The following SPOCK1 variants were observed in gnomAD, a reference collection of about 807,000 sequenced individuals.
The protein encoded by SPOCK1 is testican-1.
Under a neutral mutation model 55.3 loss-of-function variants are expected in SPOCK1, and 23 were observed. That is an observed-to-expected ratio of 0.42 (90% CI 0.30 to 0.59). The LOEUF (loss-of-function observed/expected upper bound fraction) is 0.59. Ranked by LOEUF, SPOCK1 falls within the 20% of genes least tolerant of loss-of-function variation. The pLI is 0.22. For synonymous variants in SPOCK1, 226 were observed against 221.0 expected, an observed-to-expected ratio of 1.02 and a Z score of -0.20; for missense variants, 499 against 552.5, an observed-to-expected ratio of 0.90 and a Z score of 0.97.
intron 3 of SPOCK1, among the ~76,000 whole-genome samples, chr5:137,186,388 G>A (rs1295123660): frequency 6.6e-6 from 1 of 152,194 alleles, no homozygotes; most frequent in Non-Finnish European, 1.5e-5. Flanking sequence ...TGACATAAGG[G>A]CTAGGACTGC....
At chr5:137,486,235 C>T (rs772502254) in intron 2 of SPOCK1, among the ~76,000 whole-genome samples, 6 of 152,224 alleles carry the variant, frequency 3.9e-5, no homozygotes, top group Non-Finnish European at 5.9e-5. Flanking sequence ...TTGGGTAAAA[C>T]GACAGAAGTT....
chr5:137,372,033 C>CTA (rs1751211562), intron 2 of SPOCK1, among the ~76,000 whole-genome samples: 1 of 152,210 alleles, frequency 6.6e-6, no homozygotes, highest in Non-Finnish European at 1.5e-5. Flanking sequence ...CATATCCAAA[C>CTA]TATCATTTCA....
chr5:137,156,423 A>T (rs1208091561), intron 3 of SPOCK1, among the ~76,000 whole-genome samples: 1 of 152,202 alleles, frequency 6.6e-6, no homozygotes, highest in Non-Finnish European at 1.5e-5. Context: ...ACATCGCCAT[A>T]GCAACCCCTC....
rs111643325 is a variant in SPOCK1 at position 137,349,965 on chromosome 5, G to A, written c.187-82910C>T. On this transcript the variant is annotated intron_variant, in intron 2 of 10. Transcript: ENST00000394945. Reference sequence around the variant, plus strand: ...GGGAGGATACAATTCAAGCCATAGCGTGGAGGGAAGGGGGATGTTAAGCCC... The same window carrying A: ...GGGAGGATACAATTCAAGCCATAGCATGGAGGGAAGGGGGATGTTAAGCCC... 4.8e-3 allele frequency among the ~76,000 whole-genome samples: 730 copies of A among 152,282 alleles called. 7 individuals are homozygous for A. The highest frequency in any genetic ancestry group is 0.015 in the African/African-American group (643 of 41,558).
At chr5:137,321,944 T>C (rs191268321) in intron 2 of SPOCK1, among the ~76,000 whole-genome samples, 2 of 151,964 alleles carry the variant, frequency 1.3e-5, no homozygotes, top group Admixed American at 1.3e-4. Context: ...TAAGAAAAAT[T>C]AAAGGCTTTC....
At chr5:137,352,795 G>A (rs1229727) in intron 2 of SPOCK1, among the ~76,000 whole-genome samples, 32,143 of 152,162 alleles carry the variant, frequency 0.21, 3,477 homozygotes, top group South Asian at 0.27. Flanking sequence ...GTCATCTCTT[G>A]TAAATGCTAG....
At chr5:137,497,908 T>C (rs535274653) in intron 2 of SPOCK1, among the ~76,000 whole-genome samples, 1 of 151,322 alleles carries the variant, frequency 6.6e-6, no homozygotes, top group Non-Finnish European at 1.5e-5. Flanking sequence ...CATAAATAGC[T>C]TGGACCACTC....
At chr5:137,128,464 G>C (rs1048792752) in intron 4 of SPOCK1, among the ~76,000 whole-genome samples, 1 of 152,244 alleles carries the variant, frequency 6.6e-6, no homozygotes, top group African/African-American at 2.4e-5. Context: ...AGGCTCAGAT[G>C]AAAGACTAAA....
chr5:137,023,036 C>T (rs891253871), intron 6 of SPOCK1, among the ~76,000 whole-genome samples: 4 of 152,314 alleles, frequency 2.6e-5, no homozygotes, highest in African/African-American at 7.2e-5. Context: ...GTAGTGGATA[C>T]AGGCATAAAT....
chr5:137,285,402 C>T (rs1701293107), intron 2 of SPOCK1, among the ~76,000 whole-genome samples: 1 of 152,196 alleles, frequency 6.6e-6, no homozygotes, highest in South Asian at 2.1e-4. Flanking sequence ...TAAAATCTAC[C>T]TGGAAACATA....
At chr5:137,392,214 T>G (rs1454639030) in intron 2 of SPOCK1, among the ~76,000 whole-genome samples, 1 of 152,174 alleles carries the variant, frequency 6.6e-6, no homozygotes, top group African/African-American at 2.4e-5. Context: ...CAGCCCTCCC[T>G]GCTGTTTATA....
chr5:137,355,113 G>A (rs1750763916), intron 2 of SPOCK1, among the ~76,000 whole-genome samples: 1 of 152,002 alleles, frequency 6.6e-6, no homozygotes, highest in Admixed American at 6.6e-5. Context: ...ATGTTGCCCA[G>A]GCTGGTCTTG....
intron 2 of SPOCK1, among the ~76,000 whole-genome samples, chr5:137,318,806 T>A (rs545067627): frequency 2.6e-5 from 4 of 152,360 alleles, no homozygotes; most frequent in African/African-American, 9.6e-5. Context: ...TAAACTTTTC[T>A]CTTGGTCAAG....
chr5:137,489,291 T>C (rs1484804032), intron 2 of SPOCK1, among the ~76,000 whole-genome samples: 1 of 151,966 alleles, frequency 6.6e-6, no homozygotes, highest in Non-Finnish European at 1.5e-5. Flanking sequence ...AAAGTGACAG[T>C]GGAAGGGGAA....
intron 2 of SPOCK1, among the ~76,000 whole-genome samples, chr5:137,397,199 A>G (rs1278787988): frequency 6.6e-6 from 1 of 152,112 alleles, no homozygotes; most frequent in Non-Finnish European, 1.5e-5. Context: ...GGATGCAGGG[A>G]GCTCCATGGA....
chr5:137,337,254 T>C (rs1750301086), intron 2 of SPOCK1, among the ~76,000 whole-genome samples: 1 of 152,212 alleles, frequency 6.6e-6, no homozygotes, highest in Non-Finnish European at 1.5e-5. Context: ...ATCAAGCCTA[T>C]TTGCAGAGCT....
intron 2 of SPOCK1, among the ~76,000 whole-genome samples, chr5:137,326,785 T>C (rs1484725259): frequency 2.6e-5 from 4 of 152,224 alleles, no homozygotes; most frequent in African/African-American, 7.2e-5. Flanking sequence ...AGAAAAATAC[T>C]ATTTGACTGT....
intron 2 of SPOCK1, among the ~76,000 whole-genome samples, chr5:137,446,318 C>A (rs1753126349): frequency 6.6e-6 from 1 of 152,112 alleles, no homozygotes; most frequent in African/African-American, 2.4e-5. Context: ...AATGATGCAA[C>A]TAATCAATGC....
intron 3 of SPOCK1, among the ~76,000 whole-genome samples, chr5:137,195,723 G>A (rs1355514929): frequency 6.6e-6 from 1 of 152,236 alleles, no homozygotes; most frequent in African/African-American, 2.4e-5. Context: ...CAAGGCAGGT[G>A]ACTCAGCCCA....
Sources: allele counts gnomAD v4.1 joint callset (sites outside exome capture counted in the v4.1 genomes callset), GRCh38; gene constraint gnomAD v4.1.1; transcripts MANE v1.5; gene names NCBI Gene and HGNC (gene_info 2026-07-23, HGNC 2026-07-21).